The following GINS2 variants were observed in gnomAD, a reference collection of about 807,000 sequenced individuals.
The protein encoded by GINS2 is GINS complex subunit 2, also known as DNA replication complex GINS protein PSF2.
A neutral mutation model predicts 21.2 loss-of-function variants in GINS2; 23 were observed. The ratio of observed to expected loss-of-function variants is 1.08; its 90% CI spans 0.78 to 1.53. The LOEUF is 1.53. Ranked by LOEUF, GINS2 falls within the 40% of genes most tolerant of loss-of-function variation. The probability of loss-of-function intolerance (pLI) is 0.00; values close to 1 mark genes in which losing one functional copy is unlikely to be tolerated. For synonymous variants in GINS2, 118 were observed against 85.6 expected, an observed-to-expected ratio of 1.38 and a Z score of -2.09; for missense variants, 323 against 233.9, an observed-to-expected ratio of 1.38 and a Z score of -2.49.
rs2053666044 is a variant in GINS2 at position 85,676,276 on chromosome 16, A to C, written c.*1936T>G. 6.6e-6 allele frequency: 1 copy of C among 152,366 alleles called. No individual in the cohort carries two copies. The highest frequency in any genetic ancestry group is 2.4e-5 in the African/African-American group (1 of 41,474). 9.4% of individuals were successfully genotyped at this position (152,366 alleles called of 1,614,324 possible). The stretch of plus-strand genomic sequence containing the variant: ...AAGCTCAATAACTATACATCTCCGC[A>C]GACGGAGCTGCCTCCACTGGCTCAG... On this transcript the variant is annotated 3_prime_UTR_variant, in exon 5 of 5. Coordinates refer to ENST00000253462, the MANE Select transcript of GINS2 (RefSeq NM_016095.3).
Position 85,676,573 on chromosome 16 carries a change from A to G in GINS2, c.*1639T>C, listed in dbSNP as rs1331985794. 1 of 152,266 alleles carries G rather than the reference A, an allele frequency of 6.6e-6. No individual in the cohort carries two copies. The highest frequency in any genetic ancestry group is 1.9e-4 in the East Asian group (1 of 5,198). 9.4% of individuals were successfully genotyped at this position (152,266 alleles called of 1,614,324 possible). ...GCAGCAACATGGAGTGATAGTGTGC[A>G]GCATGCTAGACACTGGAGGGCAGAT... On this transcript the variant is annotated 3_prime_UTR_variant, in exon 5 of 5. Transcript: ENST00000253462.
chr16:85,688,726 G>T, intron 1 of GINS2, 83 bp downstream of exon 1: 1 of 716,382 alleles, frequency 1.4e-6, no homozygotes, highest in Non-Finnish European at 2.1e-6. Flanking sequence ...GGGCGAGCCC[G>T]CGACCCCGGG....
chr16:85,687,700 A>T, intron 1 of GINS2, 126 bp from the exon 2 acceptor site: 1 of 566,186 alleles, frequency 1.8e-6, no homozygotes, highest in African/African-American at 1.9e-5. Context: ...AATAATAAAA[A>T]CCCAACTGTT....
At position 85,677,016 on chromosome 16, in the gene GINS2, C is replaced by T. The variant is rs1380539752; in HGVS notation, c.*1196G>A. The T allele has an allele frequency of 1.3e-5, 2 of 151,306 alleles. No homozygotes were observed. Among genetic ancestry groups the T allele is most frequent in the Non-Finnish European group, 2.9e-5 (2 of 67,848 alleles). The allele number at this position is 151,306 out of a possible 1,614,324, so 9.4% of individuals were successfully genotyped here. ...AGTAGCTGCGACTATAGGCGTGTGCCACCACACCTGGCAAATTTTTTTTTT... is the reference window on the plus strand; with the variant it reads ...AGTAGCTGCGACTATAGGCGTGTGCTACCACACCTGGCAAATTTTTTTTTT... On this transcript the variant is annotated 3_prime_UTR_variant, in exon 5 of 5. Coordinates refer to ENST00000253462, the MANE Select transcript of GINS2 (RefSeq NM_016095.3).
At chr16:85,681,946 G>T (rs970198552) in intron 2 of GINS2, among the ~76,000 whole-genome samples, 8 of 147,780 alleles carry the variant, frequency 5.4e-5, no homozygotes, top group African/African-American at 2.0e-4. Context: ...AGAGTCAAAA[G>T]TTTGATGTTT....
Position 85,688,894 on chromosome 16 carries a change from T to C in GINS2, c.5A>G (p.Asp2Gly), listed in dbSNP as rs1173222186. 2.5e-5 allele frequency: 39 copies of C among 1,537,332 alleles called. No homozygotes were observed. Among genetic ancestry groups the C allele is most frequent in the Non-Finnish European group, 3.4e-5 (39 of 1,140,106 alleles). The change falls in exon 1 of 5, where the codon GAC (aspartate) becomes GGC (glycine). Residue 2 changes from aspartate to glycine, a missense_variant. Coordinates refer to ENST00000253462, the MANE Select transcript of GINS2 (RefSeq NM_016095.3). The part of the protein sequence containing the change: M[D>G]AAEVEFLAEK... ...GGCGAGGAATTCGACCTCGGCAGCG[T>C]CCATGGCGGCGCGAGCTGCAGGCCA...
intron 1 of GINS2, chr16:85,688,163 G>A (rs13338404): frequency 0.02 from 3,077 of 152,404 alleles, 85 homozygotes; most frequent in Admixed American, 0.068. Flanking sequence ...CAGAGGCAAA[G>A]CCGACTTTTG....
intron 2 of GINS2, among the ~76,000 whole-genome samples, chr16:85,685,501 T>TAA (rs67378379): frequency 3.2e-4 from 45 of 139,286 alleles, no homozygotes; most frequent in African/African-American, 1.2e-3. Flanking sequence ...CCATCTCCAC[T>TAA]AAAAAAAAAA....
chr16:85,685,598 G>A (rs565333260), intron 2 of GINS2, among the ~76,000 whole-genome samples: 80 of 145,878 alleles, frequency 5.5e-4, no homozygotes, highest in Non-Finnish European at 8.0e-4. Flanking sequence ...TTGAGGCTGG[G>A]AAGTCAAGGC....
At chr16:85,686,387 C>CAG (rs2053777840) in intron 2 of GINS2, among the ~76,000 whole-genome samples, 1 of 151,010 alleles carries the variant, frequency 6.6e-6, no homozygotes, top group African/African-American at 2.4e-5. Context: ...CACTGCACTC[C>CAG]AGCCTGGGCG....
intron 2 of GINS2, among the ~76,000 whole-genome samples, chr16:85,682,841 T>A (rs1378680079): frequency 6.6e-6 from 1 of 152,152 alleles, no homozygotes; most frequent in East Asian, 1.9e-4. Flanking sequence ...CAGGGTCCCA[T>A]TGTAAACGGC....
chr16:85,680,667 G>C (rs1243590351), intron 3 of GINS2, among the ~76,000 whole-genome samples: 1 of 152,166 alleles, frequency 6.6e-6, no homozygotes, highest in African/African-American at 2.4e-5. Flanking sequence ...GCAATGTGTA[G>C]AGCTGCCAAG....
Position 85,678,184 on chromosome 16 carries a change from C to A in GINS2, c.*28G>T, listed in dbSNP as rs772302722. 6.2e-7 allele frequency: 1 copy of A among 1,609,480 alleles called. No individual in the cohort carries two copies. Among genetic ancestry groups the A allele is most frequent in the South Asian group, 1.1e-5 (1 of 90,474 alleles). Reference sequence around the variant, plus strand: ...TCACGTCCTGAGCGCTCACATCCCCCAGCAAGCCGCCTGCACCAGGCCTTT... The same window carrying A: ...TCACGTCCTGAGCGCTCACATCCCCAAGCAAGCCGCCTGCACCAGGCCTTT... On this transcript the variant is annotated 3_prime_UTR_variant, in exon 5 of 5. Coordinates refer to ENST00000253462, the MANE Select transcript of GINS2 (RefSeq NM_016095.3).
chr16:85,681,193 A>C (rs933468184), intron 3 of GINS2, among the ~76,000 whole-genome samples: 1 of 152,284 alleles, frequency 6.6e-6, no homozygotes, highest in Non-Finnish European at 1.5e-5. Context: ...AAACAGGAGT[A>C]AAGCTGTGCT....
chr16:85,678,812 A>G, intron 3 of GINS2, 146 bp from the exon 4 acceptor site: 1 of 766,032 alleles, frequency 1.3e-6, no homozygotes, highest in Non-Finnish European at 2.1e-6. Flanking sequence ...TAGGGTGTAA[A>G]GATTTGTAGC....
At chr16:85,681,312 A>G (rs2053730211) in intron 3 of GINS2, among the ~76,000 whole-genome samples, 1 of 152,250 alleles carries the variant, frequency 6.6e-6, no homozygotes, top group Non-Finnish European at 1.5e-5. Flanking sequence ...AAAAAGAGCC[A>G]AGGGCTTCAC....
At position 85,677,514 on chromosome 16, in the gene GINS2, T is replaced by C. The variant is rs1454633106; in HGVS notation, c.*698A>G. 6.6e-6 allele frequency: 1 copy of C among 152,178 alleles called. No individual in the cohort carries two copies. The highest frequency in any genetic ancestry group is 1.5e-5 in the Non-Finnish European group (1 of 68,038). The allele number at this position is 152,178 out of a possible 1,614,324, so 9.4% of individuals were successfully genotyped here. On this transcript the variant is annotated 3_prime_UTR_variant, in exon 5 of 5. Transcript: ENST00000253462. ...CTCTTGATAAGCAACCCATTAAACC[T>C]GAGCTAGAAGTAGCCAAGAGAAGGA...
chr16:85,687,605 T>C lies in GINS2; in HGVS notation c.91-31A>G, dbSNP rs532501169. On this transcript the variant is annotated intron_variant, in intron 1 of 4. Coordinates refer to ENST00000253462, the MANE Select transcript of GINS2 (RefSeq NM_016095.3). ...AAAAGTAAAACAATTCCCCGTAAGA[T>C]TGAAAAAGAACAAAAAAAGCATTAC... 4.5e-6 allele frequency: 6 copies of C among 1,332,324 alleles called. No individual in the cohort carries two copies. The highest frequency in any genetic ancestry group is 2.8e-5 in the South Asian group (2 of 71,780). The allele number at this position is 1,332,324 out of a possible 1,614,324, so 82.5% of individuals were successfully genotyped here. A position where few individuals can be genotyped will look rare whatever the true frequency, so the allele number is the denominator to read the frequency against.
At chr16:85,678,860 C>G (rs950910596) in intron 3 of GINS2, among the ~76,000 whole-genome samples, 194 bp from the exon 4 acceptor site, 1 of 152,138 alleles carries the variant, frequency 6.6e-6, no homozygotes, top group African/African-American at 2.4e-5. Context: ...CATGGAGTTT[C>G]TTTTGCTCAC....
Sources: gnomAD v4.1 joint callset for allele counts (sites outside exome capture counted in the v4.1 genomes callset) on GRCh38, gnomAD v4.1.1 for gene constraint, MANE v1.5 for transcripts, NCBI Gene and HGNC (gene_info 2026-07-23, HGNC 2026-07-21) for gene names.